The following RYR2 variants were observed in gnomAD, a reference collection of about 807,000 sequenced individuals.
The protein encoded by RYR2 is ryanodine receptor 2, also known as cardiac muscle ryanodine receptor-calcium release channel.
A neutral mutation model predicts 601.1 loss-of-function variants in RYR2; 227 were observed. That is an observed-to-expected ratio of 0.38 (90% CI 0.34 to 0.42). The LOEUF is 0.42. Among genes scored for constraint, RYR2 ranks in the 10% least tolerant of loss-of-function variants. The pLI is 1.00. For missense variants in RYR2, 4,646 were observed against 6,156.5 expected (o/e 0.75, Z 8.21); for synonymous variants, 2,223 against 2,175.1 (o/e 1.02, Z -0.61).
chr1:237,238,514 T>C (rs1685825182), intron 1 of RYR2, among the ~76,000 whole-genome samples: 5 of 152,204 alleles, frequency 3.3e-5, no homozygotes, highest in Admixed American at 3.3e-4. Flanking sequence ...GTTACTCATA[T>C]TTGGCTCAGA....
At chr1:237,125,277 G>C in intron 1 of RYR2, among the ~76,000 whole-genome samples, 1 of 152,098 alleles carries the variant, frequency 6.6e-6, no homozygotes, top group Admixed American at 6.6e-5. Flanking sequence ...TGGGTTGGGA[G>C]GGTTTATAGG....
intron 2 of RYR2, 116 bp downstream of exon 2, chr1:237,270,732 T>A (rs1689600905): frequency 2.6e-6 from 3 of 1,146,762 alleles, no homozygotes; most frequent in Non-Finnish European, 3.7e-6. Flanking sequence ...ATGAAAGGGA[T>A]ATAACAATGT....
rs574453907 is a variant in RYR2, at chr1:237,229,661, C to A, written c.49-40836C>A. Among the ~76,000 whole-genome samples the A allele has an allele frequency of 2.8e-4, 43 of 152,312 alleles. 1 individual carries two copies. The highest frequency in any genetic ancestry group is 6.8e-3 in the Middle Eastern group (2 of 294). The stretch of plus-strand genomic sequence containing the variant: ...GCTCCACACACCAGGCCTAAAGTGG[C>A]TGCGGGGGTGGGGAAGGTGGCATTG... On this transcript the variant is annotated intron_variant, in intron 1 of 104. Transcript: ENST00000366574.
intron 95 of RYR2, among the ~76,000 whole-genome samples, chr1:237,794,655 C>CT: frequency 6.6e-6 from 1 of 152,292 alleles, no homozygotes; most frequent in East Asian, 1.9e-4. Context: ...CGAGTGAAAT[C>CT]TTTTTAAAAT....
In RYR2 at chr1:237,595,624, T is replaced by C; in HGVS notation, c.4563T>C (p.Ile1521=). 1 of 1,613,444 alleles carries C rather than the reference T, an allele frequency of 6.2e-7. No individual in the cohort carries two copies. Among genetic ancestry groups the C allele is most frequent in the African/African-American group, 1.3e-5 (1 of 75,044 alleles). Reference sequence around the variant, plus strand: ...CTGCCAGCGGGCTGCTCACATTCATTGCCAATGGCAAGGAACTGAGCACAT... The same window carrying C: ...CTGCCAGCGGGCTGCTCACATTCATCGCCAATGGCAAGGAACTGAGCACAT... ...VDAASGLLTF[I]ANGKELSTYY... The change falls in exon 34 of 105, where the codon ATT becomes ATC. Residue 1521 remains isoleucine (I), a synonymous_variant. Coordinates refer to ENST00000366574, the MANE Select transcript of RYR2 (RefSeq NM_001035.3).
At position 237,590,979 on chromosome 1, in the gene RYR2, C is replaced by T. The variant is rs1675091182; in HGVS notation, c.4147C>T (p.Arg1383Cys). ...AGATTATGCCCAGGAAAAGCCCTCT[C>T]GTCTGAAACAAAGGTTACTAATTTA... ...HKDYAQEKPS[R>C]LKQRFLLRRT... is the part of the protein sequence containing the mutation. The change falls in exon 31 of 105, where the codon CGT (arginine) becomes TGT (cysteine). Residue 1383 changes from arginine (R) to cysteine (C), a missense_variant. Physicochemically the swap from Arg to Cys is radical, Grantham distance 180. Coordinates refer to ENST00000366574, the MANE Select transcript of RYR2 (RefSeq NM_001035.3). 5 of 1,611,240 alleles carry T rather than the reference C, an allele frequency of 3.1e-6. No homozygotes were observed. The highest frequency in any genetic ancestry group is 3.4e-5 in the Admixed American group (2 of 59,616).
chr1:237,138,862 A>G (rs967579611), intron 1 of RYR2, among the ~76,000 whole-genome samples: 8 of 152,250 alleles, frequency 5.3e-5, no homozygotes, highest in Non-Finnish European at 1.2e-4. Flanking sequence ...ACCACTTCAC[A>G]TCCACCAGAA....
At chr1:237,200,887 T>C (rs920280220) in intron 1 of RYR2, among the ~76,000 whole-genome samples, 9 of 152,220 alleles carry the variant, frequency 5.9e-5, no homozygotes, top group African/African-American at 2.2e-4. Context: ...TAGTTGTGAT[T>C]CTCTCAGTTG....
chr1:237,192,461 G>A (rs934354973), intron 1 of RYR2, among the ~76,000 whole-genome samples: 7 of 152,200 alleles, frequency 4.6e-5, no homozygotes, highest in East Asian at 1.9e-4. Context: ...GTGATCCACC[G>A]GCCTCGGCCT....
intron 1 of RYR2, among the ~76,000 whole-genome samples, chr1:237,153,567 TATAG>T (rs1325661316): frequency 6.6e-6 from 1 of 152,026 alleles, no homozygotes; most frequent in African/African-American, 2.4e-5. Context: ...ATGGAACAGT[TATAG>T]ATAGTCTGGG....
rs1491218000 is a variant in RYR2, at chr1:237,698,104, TAG to T, written c.9068-860_9068-859del. Reference sequence around the variant, plus strand: ...GTCAATCTCAGGACCCAGGAGATGATAGTGTGTGTGTGTGTGTGTGTGTGTGT... The same window carrying T: ...GTCAATCTCAGGACCCAGGAGATGATTGTGTGTGTGTGTGTGTGTGTGTGT... On this transcript the variant is annotated intron_variant, in intron 63 of 104. Transcript: ENST00000366574. Among the ~76,000 whole-genome samples, 339 of 99,774 alleles carry T rather than the reference TAG, an allele frequency of 3.4e-3. 1 individual carries two copies. The highest frequency in any genetic ancestry group is 0.012 in the African/African-American group (323 of 26,316). 65.5% of individuals were successfully genotyped at this position (99,774 alleles called of 152,430 possible).
At chr1:237,568,336 A>G (rs1255893189) in intron 28 of RYR2, among the ~76,000 whole-genome samples, 2 of 152,230 alleles carry the variant, frequency 1.3e-5, no homozygotes, top group Admixed American at 1.3e-4. Flanking sequence ...CCGATTCACA[A>G]TGAAGGTGAG....
intron 71 of RYR2, among the ~76,000 whole-genome samples, chr1:237,714,990 TCAAAAAA>T (rs1689142820): frequency 2.2e-5 from 2 of 89,400 alleles, no homozygotes; most frequent in Non-Finnish European, 1.9e-5. Context: ...AGACTCCATC[TCAAAAAA>T]AAAAAAAAAA....
At position 237,589,996 on chromosome 1, in the gene RYR2, A is replaced by G. The variant is rs760271170; in HGVS notation, c.3802A>G (p.Ile1268Val). 1.2e-6 allele frequency: 2 copies of G among 1,611,010 alleles called. No individual in the cohort carries two copies. Among genetic ancestry groups the G allele is most frequent in the Admixed American group, 1.7e-5 (1 of 59,670 alleles). ...TCAAGTTCCATCAAACCATGAACAT[A>G]TAGAGGTTTGCTTTTTCTTTAAAAA... The part of the protein sequence containing the change: ...FLQVPSNHEH[I>V]EVTRIDGTID... The change falls in exon 30 of 105, where the codon ATA becomes GTA. Residue 1268 changes from isoleucine (I) to valine (V), a missense_variant. By Grantham distance (29) the Ile-to-Val change is conservative (BLOSUM62 3). Around this residue, in one of 17 missense-constraint regions of RYR2, gnomAD observed 1,807 missense variants for 2,088.1 expected, o/e 0.87. Transcript: ENST00000366574.
intron 25 of RYR2, among the ~76,000 whole-genome samples, chr1:237,536,231 C>G (rs1296190910): frequency 1.3e-5 from 2 of 152,206 alleles, no homozygotes; most frequent in African/African-American, 2.4e-5. Flanking sequence ...TGCTTCTGCA[C>G]TTGATGTTAT....
chr1:237,224,774 C>G (rs1010502566), intron 1 of RYR2, among the ~76,000 whole-genome samples: 1 of 152,112 alleles, frequency 6.6e-6, no homozygotes, highest in Non-Finnish European at 1.5e-5. Context: ...GTGGGAAGAT[C>G]ACTTGAGCCC....
chr1:237,355,561 T>TGAGAGA (rs1699223208), intron 3 of RYR2, among the ~76,000 whole-genome samples: 1 of 151,978 alleles, frequency 6.6e-6, no homozygotes, highest in Non-Finnish European at 1.5e-5. Context: ...TGAGAGAAAC[T>TGAGAGA]GTAGTTAGAC....
rs557020832 is a variant in RYR2, at chr1:237,103,542, C to T, written c.48+60973C>T. 2.0e-5 allele frequency among the ~76,000 whole-genome samples: 3 copies of T among 152,306 alleles called. No homozygotes were observed. The East Asian group carries it at 5.8e-4, about 29-fold the overall frequency. ...TCTGACCACCACCTTCCTTTGGTTT[C>T]TGCCCATTTTCCAGGCTACATTGTC... On this transcript the variant is annotated intron_variant, in intron 1 of 104. Coordinates refer to ENST00000366574, the MANE Select transcript of RYR2 (RefSeq NM_001035.3).
intron 1 of RYR2, among the ~76,000 whole-genome samples, chr1:237,231,581 C>T (rs1235706936): frequency 6.6e-6 from 1 of 152,214 alleles, no homozygotes; most frequent in African/African-American, 2.4e-5. Context: ...GTTTTACCCA[C>T]ATCAGCACCC....
Sources: gnomAD v4.1 joint callset for allele counts (sites outside exome capture counted in the v4.1 genomes callset) on GRCh38, gnomAD v4.1.1 for gene constraint, gnomAD v4.1.1 regional missense constraint, MANE v1.5 for transcripts, NCBI Gene and HGNC (gene_info 2026-07-23, HGNC 2026-07-21) for gene names.